Variants in GABPB2 observed in about 807,000 individuals in gnomAD.
GABPB2 encodes the protein GA-binding protein subunit beta-2.
In GABPB2, 23 loss-of-function variants were observed where a neutral mutation model predicts 39.1. The ratio of observed to expected loss-of-function variants is 0.59; its 90% CI spans 0.42 to 0.83. The LOEUF (loss-of-function observed/expected upper bound fraction) is 0.83. GABPB2 is among the 40% of genes least tolerant of loss of function. The pLI is 0.00. For missense variants in GABPB2, 467 were observed against 541.1 expected (o/e 0.86, Z 1.36); for synonymous variants, 184 against 199.3 (o/e 0.92, Z 0.65).
chr1:151,103,545 C>T lies in GABPB2; in HGVS notation c.623-17C>T. 6.4e-7 allele frequency: 1 copy of T among 1,569,848 alleles called. No homozygotes were observed. Among genetic ancestry groups the T allele is most frequent in the Non-Finnish European group, 8.8e-7 (1 of 1,142,068 alleles). On this transcript the variant is annotated splice_polypyrimidine_tract_variant and intron_variant, in intron 5 of 8. Transcript: ENST00000368918. ...TTTCTCTACATTGGACCTCATTTGTCTTTCTTACTGAAATAGGTGACCCCC... is the reference window on the plus strand; with the variant it reads ...TTTCTCTACATTGGACCTCATTTGTTTTTCTTACTGAAATAGGTGACCCCC...
chr1:151,121,829 A>G lies in GABPB2; in HGVS notation c.*3573A>G, dbSNP rs1455014568. 1 of 152,172 alleles carries G rather than the reference A, an allele frequency of 6.6e-6. No individual in the cohort carries two copies. 9.4% of individuals were successfully genotyped at this position (152,172 alleles called of 1,614,324 possible). ...GAGAGAGAGAGGTTATGAACAGGTT[A>G]TGTTACAGAGGTTATTGCCTTTGAA... On this transcript the variant is annotated 3_prime_UTR_variant, in exon 9 of 9. Transcript: ENST00000368918.
At chr1:151,076,846 T>G (rs965139580) in intron 1 of GABPB2, among the ~76,000 whole-genome samples, 8 of 148,662 alleles carry the variant, frequency 5.4e-5, no homozygotes. Flanking sequence ...CAGGCTGGAG[T>G]GCAGTGGCGC....
chr1:151,100,939 G>A (rs1183869966), intron 5 of GABPB2, among the ~76,000 whole-genome samples: 2 of 152,022 alleles, frequency 1.3e-5, no homozygotes, highest in African/African-American at 2.4e-5. Flanking sequence ...CATAGGTAGT[G>A]GGAAAACTTA....
chr1:151,118,023 C>CG lies in GABPB2; in HGVS notation c.1115dup (p.His373ThrfsTer16). ...GGCCAATCGAAGAGCCCAGGAATACCGACACCAGCTCCTAAAGAAAGAGCA... is the reference window on the plus strand; with the variant it reads ...GGCCAATCGAAGAGCCCAGGAATACCGGACACCAGCTCCTAAAGAAAGAGCA... On this transcript the variant is annotated frameshift_variant, in exon 9 of 9. Transcript: ENST00000368918. LOFTEE classifies it high-confidence loss of function. The CG allele has an allele frequency of 6.2e-7, 1 of 1,614,134 alleles. No individual in the cohort carries two copies.
chr1:151,090,136 G>A (rs959572667), intron 2 of GABPB2, among the ~76,000 whole-genome samples: 1 of 151,956 alleles, frequency 6.6e-6, no homozygotes, highest in Non-Finnish European at 1.5e-5. Context: ...TTGAGACGGG[G>A]TTTCACCATG....
chr1:151,087,280 C>T (rs1571913776), intron 1 of GABPB2, among the ~76,000 whole-genome samples: 1 of 152,280 alleles, frequency 6.6e-6, no homozygotes, highest in East Asian at 1.9e-4. Flanking sequence ...AGCCACTGCA[C>T]CCCTCTTTGT....
At position 151,125,196 on chromosome 1, in the gene GABPB2, A is replaced by G. The variant is rs1320485789; in HGVS notation, c.*6940A>G. 2 of 152,188 alleles carry G rather than the reference A, an allele frequency of 1.3e-5. No homozygotes were observed. The highest frequency in any genetic ancestry group is 2.4e-5 in the African/African-American group (1 of 41,422). 9.4% of individuals were successfully genotyped at this position (152,188 alleles called of 1,614,324 possible). ...TGGCTTTAGACATCTTGTTCTAGCA[A>G]CAATGATGGTAGCAGCTCTCTCCCT... On this transcript the variant is annotated 3_prime_UTR_variant, in exon 9 of 9. Transcript: ENST00000368918.
chr1:151,109,077 A>G (rs944437020), intron 7 of GABPB2, among the ~76,000 whole-genome samples: 2 of 151,914 alleles, frequency 1.3e-5, no homozygotes, highest in African/African-American at 2.4e-5. Context: ...TATAGTCCCA[A>G]CTACTCAGGA....
At chr1:151,072,816 C>G (rs1676842719) in intron 1 of GABPB2, among the ~76,000 whole-genome samples, 1 of 152,186 alleles carries the variant, frequency 6.6e-6, no homozygotes, top group African/African-American at 2.4e-5. Context: ...CATTGTACTC[C>G]AGCTTGGGCA....
At chr1:151,072,041 G>C (rs1212103232) in intron 1 of GABPB2, among the ~76,000 whole-genome samples, 34 of 152,198 alleles carry the variant, frequency 2.2e-4, no homozygotes, top group Admixed American at 2.2e-3. Context: ...GGCCATCCAA[G>C]ACCATATTTT....
rs185004263 is a variant in GABPB2 at position 151,122,518 on chromosome 1, C to T, written c.*4262C>T. Reference sequence around the variant, plus strand: ...TTTAGATATCTTTTATTTATGTTCTCGGTGCATATGTTGACTTTAATCCCT... The same window carrying T: ...TTTAGATATCTTTTATTTATGTTCTTGGTGCATATGTTGACTTTAATCCCT... On this transcript the variant is annotated 3_prime_UTR_variant, in exon 9 of 9. Transcript: ENST00000368918. 2.6e-5 allele frequency: 4 copies of T among 152,130 alleles called. No individual in the cohort carries two copies. The highest frequency in any genetic ancestry group is 2.1e-4 in the South Asian group (1 of 4,818). The allele number at this position is 152,130 out of a possible 1,614,324, so 9.4% of individuals were successfully genotyped here.
At chr1:151,098,150 G>A (rs993225256) in intron 5 of GABPB2, 148 bp downstream of exon 5, 21 of 692,618 alleles carry the variant, frequency 3.0e-5, no homozygotes, top group Non-Finnish European at 4.6e-5. Context: ...TAAAGCTGAG[G>A]TACTTATTCT....
At chr1:151,113,359 C>A (rs1025433924) in intron 7 of GABPB2, among the ~76,000 whole-genome samples, 1 of 151,738 alleles carries the variant, frequency 6.6e-6, no homozygotes, top group Admixed American at 6.6e-5. Context: ...GTCCCTGCTA[C>A]TCCGGAGGCT....
intron 4 of GABPB2, 74 bp from the exon 5 acceptor site, chr1:151,097,778 A>G: frequency 2.7e-6 from 1 of 372,920 alleles, no homozygotes; most frequent in Non-Finnish European, 3.5e-6. Context: ...GACTGTCTCA[A>G]AAAAAAAAAA....
At chr1:151,089,448 C>G (rs1158962698) in intron 2 of GABPB2, among the ~76,000 whole-genome samples, 1 of 152,158 alleles carries the variant, frequency 6.6e-6, no homozygotes, top group African/African-American at 2.4e-5. Flanking sequence ...ATAACTCTTA[C>G]AAGATTTACA....
chr1:151,098,012 T>C lies in GABPB2; in HGVS notation c.622+10T>C, dbSNP rs1277871149. On this transcript the variant is annotated intron_variant, in intron 5 of 8. Transcript: ENST00000368918. ...ACCAAAACAACCTCAGGTAATGTTCTGATAACATGAAATTTATTTTAGACT... is the reference window on the plus strand; with the variant it reads ...ACCAAAACAACCTCAGGTAATGTTCCGATAACATGAAATTTATTTTAGACT... 16 of 1,612,188 alleles carry C rather than the reference T, an allele frequency of 9.9e-6. No individual in the cohort carries two copies. Among genetic ancestry groups the C allele is most frequent in the Non-Finnish European group, 1.3e-5 (15 of 1,178,750 alleles).
chr1:151,090,748 C>A (rs1678607927), intron 3 of GABPB2, among the ~76,000 whole-genome samples, 175 bp downstream of exon 3: 1 of 151,946 alleles, frequency 6.6e-6, no homozygotes, highest in Admixed American at 6.6e-5. Flanking sequence ...AATCCCAGCA[C>A]TTTGGGAGGC....
chr1:151,084,305 A>G (rs1336802439), intron 1 of GABPB2, among the ~76,000 whole-genome samples: 2 of 148,886 alleles, frequency 1.3e-5, no homozygotes, highest in Non-Finnish European at 3.0e-5. Context: ...GCTCACCGCA[A>G]CCTCCCTCCC....
Position 151,110,005 on chromosome 1 carries a change from A to ATT in GABPB2, c.922+2819_922+2820dup, listed in dbSNP as rs71577269. 8.3e-3 allele frequency among the ~76,000 whole-genome samples: 503 copies of ATT among 60,720 alleles called. 124 individuals carry two copies. The highest frequency in any genetic ancestry group is 9.3e-3 in the African/African-American group (198 of 21,192). 39.8% of individuals were successfully genotyped at this position (60,720 alleles called of 152,430 possible). A position where few individuals can be genotyped will look rare whatever the true frequency, so the allele number is the denominator to read the frequency against. On this transcript the variant is annotated intron_variant, in intron 7 of 8. Coordinates refer to ENST00000368918, the MANE Select transcript of GABPB2 (RefSeq NM_144618.3). ...AATCATGTGCCACCATGCCCAGCTA[A>ATT]TTTTTTTTTTTTTTTTTTTTTTTTT...
Sources: gnomAD v4.1 joint callset for allele counts (sites outside exome capture counted in the v4.1 genomes callset) on GRCh38, gnomAD v4.1.1 for gene constraint, MANE v1.5 for transcripts, NCBI Gene and HGNC (gene_info 2026-07-23, HGNC 2026-07-21) for gene names.